PCDHAC1: variants seen among roughly 807,000 people sequenced by gnomAD.
The protein encoded by PCDHAC1 is protocadherin alpha subfamily C, 1, also known as protocadherin alpha-C1.
Under a neutral mutation model 60.0 loss-of-function variants are expected in PCDHAC1, and 42 were observed. The ratio of observed to expected loss-of-function variants is 0.70; its 90% CI spans 0.55 to 0.90. PCDHAC1 has a LOEUF of 0.90. PCDHAC1 is among the 40% of genes least tolerant of loss of function. The pLI is 0.00. For synonymous variants in PCDHAC1, 468 were observed against 499.3 expected (o/e 0.94, Z 0.84); for missense variants, 1,160 against 1,222.3 (o/e 0.95, Z 0.76).
chr5:140,967,074 A>C (rs1554229140), intron 1 of PCDHAC1: 1 of 1,613,138 alleles, frequency 6.2e-7, no homozygotes. Flanking sequence ...TTCGTCAACG[A>C]GCGCATTGAT....
intron 3 of PCDHAC1, among the ~76,000 whole-genome samples, chr5:140,983,425 C>A (rs1252010683): frequency 6.6e-6 from 1 of 152,198 alleles, no homozygotes; most frequent in Non-Finnish European, 1.5e-5. Context: ...GTAGAGACCA[C>A]AAATTGTGTC....
In PCDHAC1 at chr5:140,967,342, C is replaced by G. The variant is rs149890293; in HGVS notation, c.2434-11607C>G. On this transcript the variant is annotated intron_variant, in intron 1 of 3. Coordinates refer to ENST00000253807, the MANE Select transcript of PCDHAC1 (RefSeq NM_018898.5). ...CCTACGAGCTCAGCCCCAGCGAGCACTTCGAGCTGGACCTTAAGCCCCTGC... is the reference window on the plus strand; with the variant it reads ...CCTACGAGCTCAGCCCCAGCGAGCAGTTCGAGCTGGACCTTAAGCCCCTGC... The G allele has an allele frequency of 1.9e-6, 3 of 1,607,992 alleles. No individual in the cohort carries two copies. In the African/African-American group the frequency reaches 4.0e-5, roughly 22 times the overall value.
intron 1 of PCDHAC1, among the ~76,000 whole-genome samples, chr5:140,936,673 A>G (rs77819967): frequency 0.018 from 2,748 of 152,254 alleles, 64 homozygotes; most frequent in South Asian, 0.1. Context: ...TGGACTGTCT[A>G]TTCTGTTTCA....
chr5:140,981,350 G>T (rs2096928266), intron 2 of PCDHAC1, among the ~76,000 whole-genome samples: 1 of 152,168 alleles, frequency 6.6e-6, no homozygotes. Flanking sequence ...GAGGCAGGTG[G>T]ATCACTTGAG....
rs77462249 is a variant in PCDHAC1 at position 141,008,293 on chromosome 5, C to G, written c.2582-1334C>G. ...ATAGGAAATTGAAATAGCAGTTGTA[C>G]CCAACCCTAAACTGTAATTGAACAT... On this transcript the variant is annotated intron_variant, in intron 3 of 3. Coordinates refer to ENST00000253807, the MANE Select transcript of PCDHAC1 (RefSeq NM_018898.5). 3.5e-3 allele frequency among the ~76,000 whole-genome samples: 527 copies of G among 152,254 alleles called. 1 individual carries two copies. The highest frequency in any genetic ancestry group is 5.9e-3 in the Non-Finnish European group (399 of 68,006).
chr5:140,995,709 G>C (rs1279829164), intron 3 of PCDHAC1, among the ~76,000 whole-genome samples: 6 of 152,162 alleles, frequency 3.9e-5, no homozygotes, highest in African/African-American at 1.4e-4. Flanking sequence ...GCTGGGCTTG[G>C]AAATGTTCTT....
intron 1 of PCDHAC1, among the ~76,000 whole-genome samples, chr5:140,947,275 T>C (rs246050): frequency 1.3e-5 from 2 of 151,244 alleles, no homozygotes; most frequent in Non-Finnish European, 3.0e-5. Flanking sequence ...GAAAATACTT[T>C]TTCTTTTTAT....
chr5:140,993,949 T>C (rs1330727166), intron 3 of PCDHAC1, among the ~76,000 whole-genome samples: 1 of 152,204 alleles, frequency 6.6e-6, no homozygotes, highest in Non-Finnish European at 1.5e-5. Flanking sequence ...TGTTAAGTGA[T>C]ACATGACTGT....
rs369670852 is a variant in PCDHAC1, at chr5:140,928,571, C to G, written c.1679C>G (p.Pro560Arg). 1.9e-5 allele frequency: 30 copies of G among 1,614,180 alleles called. 1 individual carries two copies. The African/African-American group carries it at 1.9e-4, about 10-fold the overall frequency. Residue 560 changes from proline (P) to arginine (R), a missense_variant, in exon 1 of 4, where the codon CCC becomes CGC. Transcript: ENST00000253807. Reference protein sequence around the residue: ...DNYPVILFPLPRNGSVPVEIV... With the variant: ...DNYPVILFPLRRNGSVPVEIV... ...TATCCGGTTATCTTGTTTCCCTTGC[C>G]CAGAAATGGTTCTGTCCCAGTGGAA...
chr5:140,948,349 T>C (rs1262551459), intron 1 of PCDHAC1, among the ~76,000 whole-genome samples: 2 of 151,624 alleles, frequency 1.3e-5, no homozygotes, highest in African/African-American at 4.8e-5. Context: ...ATTTCTAACC[T>C]AATAAAATGA....
chr5:140,955,986 C>A (rs2095245113), intron 1 of PCDHAC1, among the ~76,000 whole-genome samples: 1 of 152,124 alleles, frequency 6.6e-6, no homozygotes, highest in Non-Finnish European at 1.5e-5. Flanking sequence ...GCAATTTTTG[C>A]ACATTGATTT....
At position 141,010,838 on chromosome 5, in the gene PCDHAC1, T is replaced by G. The variant is rs2154002200; in HGVS notation, c.*901T>G. 1.3e-5 allele frequency: 2 copies of G among 153,860 alleles called. No homozygotes were observed. The highest frequency in any genetic ancestry group is 2.9e-5 in the Non-Finnish European group (2 of 68,042). The allele number at this position is 153,860 out of a possible 1,614,324, so 9.5% of individuals were successfully genotyped here. On this transcript the variant is annotated 3_prime_UTR_variant, in exon 4 of 4. Coordinates refer to ENST00000253807, the MANE Select transcript of PCDHAC1 (RefSeq NM_018898.5). ...TTTCGCTGTTTGTTGTTTCATAGAT[T>G]TATTTAAAAAAAGAGAAAGTCTATA...
chr5:140,941,245 TTCTTTCTTTCTC>T (rs2092955664), intron 1 of PCDHAC1, among the ~76,000 whole-genome samples: 1 of 140,868 alleles, frequency 7.1e-6, no homozygotes, highest in African/African-American at 2.6e-5. Flanking sequence ...CTTTCTTTCT[TTCTTTCTTTCTC>T]TTTCTTTCTT....
At chr5:140,981,169 C>T (rs2096920797) in intron 2 of PCDHAC1, among the ~76,000 whole-genome samples, 1 of 152,170 alleles carries the variant, frequency 6.6e-6, no homozygotes, top group Admixed American at 6.5e-5. Context: ...GTTGCCTTCC[C>T]TCTAATAGTT....
chr5:140,956,540 G>A (rs1356910892), intron 1 of PCDHAC1, among the ~76,000 whole-genome samples: 1 of 152,186 alleles, frequency 6.6e-6, no homozygotes, highest in Non-Finnish European at 1.5e-5. Context: ...TGTGCTGCTG[G>A]ATTTGGTTTG....
Position 141,010,957 on chromosome 5 carries a change from C to CT in PCDHAC1, c.*1021dup, listed in dbSNP as rs1342734442. The CT allele has an allele frequency of 6.5e-5, 10 of 153,858 alleles. No homozygotes were observed. Among genetic ancestry groups the CT allele is most frequent in the African/African-American group, 2.4e-4 (10 of 41,554 alleles). The allele number at this position is 153,858 out of a possible 1,614,324, so 9.5% of individuals were successfully genotyped here. A position where few individuals can be genotyped will look rare whatever the true frequency, so the allele number is the denominator to read the frequency against. On this transcript the variant is annotated 3_prime_UTR_variant, in exon 4 of 4. Coordinates refer to ENST00000253807, the MANE Select transcript of PCDHAC1 (RefSeq NM_018898.5). ...ACAGCCATTTAAATGATCATTGCTG[C>CT]TACAGAAGTGCTTTAAGAGAATTGC...
chr5:140,987,481 G>T (rs1244029095), intron 3 of PCDHAC1, among the ~76,000 whole-genome samples: 1 of 152,170 alleles, frequency 6.6e-6, no homozygotes, highest in Non-Finnish European at 1.5e-5. Flanking sequence ...TTGGGAGTCA[G>T]TGACCCTTTC....
intron 3 of PCDHAC1, among the ~76,000 whole-genome samples, chr5:140,986,653 A>T (rs61089397): frequency 0.012 from 1,845 of 152,236 alleles, 43 homozygotes; most frequent in African/African-American, 0.043. Context: ...AGAGTGGGAG[A>T]TGCTCACAGT....
intron 3 of PCDHAC1, among the ~76,000 whole-genome samples, chr5:140,998,057 A>G (rs2097795221): frequency 1.3e-5 from 2 of 152,294 alleles, no homozygotes; most frequent in South Asian, 4.1e-4. Flanking sequence ...TGACATCATC[A>G]TCAACAGACT....
Sources: allele counts gnomAD v4.1 joint callset (sites outside exome capture counted in the v4.1 genomes callset), GRCh38; gene constraint gnomAD v4.1.1; transcripts MANE v1.5; gene names NCBI Gene and HGNC (gene_info 2026-07-23, HGNC 2026-07-21).